SCHIP1: variants seen among roughly 807,000 people sequenced by gnomAD.
SCHIP1 encodes the protein schwannomin interacting protein 1.
Under a neutral mutation model 29.7 loss-of-function variants are expected in SCHIP1, and 8 were observed. The ratio of observed to expected loss-of-function variants is 0.27; its 90% CI spans 0.16 to 0.49. SCHIP1 has a LOEUF of 0.49. Among genes scored for constraint, SCHIP1 ranks in the 20% least tolerant of loss-of-function variants. The probability of loss-of-function intolerance (pLI) is 0.99; values close to 1 mark genes in which losing one functional copy is unlikely to be tolerated. For missense variants in SCHIP1, 193 were observed against 294.6 expected (o/e 0.66, Z 2.52); for synonymous variants, 76 against 94.9 (o/e 0.80, Z 1.16).
the SCHIP1 span, among the ~76,000 whole-genome samples, chr3:159,552,889 G>T: frequency 2.6e-5 from 4 of 152,042 alleles, no homozygotes; most frequent in Non-Finnish European, 5.9e-5. Context: ...GATTTTGTTG[G>T]ACTTTCAGCC....
At chr3:159,791,800 G>A in the SCHIP1 span, among the ~76,000 whole-genome samples, 145 of 152,240 alleles carry the variant, frequency 9.5e-4, no homozygotes, top group African/African-American at 3.3e-3. Flanking sequence ...AGAGGAATCT[G>A]TTACTGATAA....
chr3:159,864,508 C>G (rs1560088188), intron 1 of SCHIP1, among the ~76,000 whole-genome samples: 1 of 145,516 alleles, frequency 6.9e-6, no homozygotes, highest in Non-Finnish European at 1.5e-5. Flanking sequence ...CACACACACA[C>G]ACACACATAT....
chr3:159,789,084 A>T, the SCHIP1 span, among the ~76,000 whole-genome samples: 37,051 of 152,000 alleles, frequency 0.24, 4,793 homozygotes, highest in East Asian at 0.45. Context: ...GAGATACTCA[A>T]CCTGTATATG....
chr3:159,474,409 G>T, the SCHIP1 span, among the ~76,000 whole-genome samples: 1 of 152,116 alleles, frequency 6.6e-6, no homozygotes, highest in Admixed American at 6.6e-5. Flanking sequence ...CTAAAATGGT[G>T]TGCCAAAACT....
the SCHIP1 span, among the ~76,000 whole-genome samples, chr3:159,623,259 T>C: frequency 1.3e-5 from 2 of 152,182 alleles, no homozygotes; most frequent in Non-Finnish European, 2.9e-5. Context: ...AAAGGAAATA[T>C]TTTTAAAGTG....
At chr3:159,733,239 G>C in the SCHIP1 span, among the ~76,000 whole-genome samples, 2 of 151,978 alleles carry the variant, frequency 1.3e-5, no homozygotes, top group African/African-American at 4.8e-5. Context: ...TTTCCTCCAT[G>C]GTCTGGAGCC....
chr3:159,415,341 G>C, the SCHIP1 span, among the ~76,000 whole-genome samples: 1 of 152,056 alleles, frequency 6.6e-6, no homozygotes. Context: ...GAGAAGGTTC[G>C]TTATATAGGT....
chr3:159,486,556 C>G, the SCHIP1 span, among the ~76,000 whole-genome samples: 1 of 152,170 alleles, frequency 6.6e-6, no homozygotes, highest in African/African-American at 2.4e-5. Context: ...GATTTCAGGT[C>G]TCATGACTTT....
chr3:159,501,795 T>C, the SCHIP1 span, among the ~76,000 whole-genome samples: 10 of 152,238 alleles, frequency 6.6e-5, no homozygotes, highest in Admixed American at 2.0e-4. Flanking sequence ...TGACTAGTAC[T>C]TTATGTTATT....
the SCHIP1 span, among the ~76,000 whole-genome samples, chr3:159,427,418 C>A: frequency 2.6e-5 from 4 of 150,946 alleles, no homozygotes; most frequent in Admixed American, 6.6e-5. Flanking sequence ...AGACAGAGAG[C>A]CAAATCATGA....
chr3:159,492,728 T>G, the SCHIP1 span, among the ~76,000 whole-genome samples: 1 of 152,048 alleles, frequency 6.6e-6, no homozygotes, highest in Non-Finnish European at 1.5e-5. Context: ...AGGCCAACAT[T>G]AAAATTCAGG....
At chr3:159,768,033 A>C in the SCHIP1 span, among the ~76,000 whole-genome samples, 2 of 152,202 alleles carry the variant, frequency 1.3e-5, no homozygotes, top group African/African-American at 4.8e-5. Context: ...TCCAACTCCC[A>C]TTTTACAGTT....
At chr3:159,850,671 C>T (rs1340820956) in intron 1 of SCHIP1, among the ~76,000 whole-genome samples, 1 of 151,752 alleles carries the variant, frequency 6.6e-6, no homozygotes, top group Non-Finnish European at 1.5e-5. Flanking sequence ...AGGAAACTTA[C>T]AATTACGACA....
At chr3:159,763,132 C>G in the SCHIP1 span, among the ~76,000 whole-genome samples, 2 of 152,182 alleles carry the variant, frequency 1.3e-5, no homozygotes, top group South Asian at 4.1e-4. Context: ...CAGGTTCCAC[C>G]CACAGCCTGA....
the SCHIP1 span, among the ~76,000 whole-genome samples, chr3:159,438,013 G>A: frequency 6.6e-6 from 1 of 152,044 alleles, no homozygotes; most frequent in East Asian, 1.9e-4. Context: ...TACTTCTTAG[G>A]GGTTGTGAGG....
the SCHIP1 span, among the ~76,000 whole-genome samples, chr3:159,409,362 A>T: frequency 1.3e-5 from 2 of 152,318 alleles, no homozygotes; most frequent in African/African-American, 4.8e-5. Context: ...TTAGCAGATT[A>T]TATGATTTCA....
chr3:159,399,919 C>A, the SCHIP1 span, among the ~76,000 whole-genome samples: 1 of 152,222 alleles, frequency 6.6e-6, no homozygotes, highest in Non-Finnish European at 1.5e-5. Flanking sequence ...CTCCAGTGAT[C>A]ATCCTGCCTT....
chr3:159,369,496 C>A, the SCHIP1 span, among the ~76,000 whole-genome samples: 1 of 151,846 alleles, frequency 6.6e-6, no homozygotes, highest in African/African-American at 2.4e-5. Context: ...TCATCTACAG[C>A]AAAAGGATCT....
At chr3:159,339,463 A>G in the SCHIP1 span, among the ~76,000 whole-genome samples, 8 of 152,236 alleles carry the variant, frequency 5.3e-5, no homozygotes, top group East Asian at 1.5e-3. Flanking sequence ...CACTTTTATA[A>G]GAAGTTTCAT....
Sources: gnomAD v4.1 joint callset for allele counts (sites outside exome capture counted in the v4.1 genomes callset) on GRCh38, gnomAD v4.1.1 for gene constraint, MANE v1.5 for transcripts, NCBI Gene and HGNC (gene_info 2026-07-23, HGNC 2026-07-21) for gene names.